The following AREL1 variants were observed in gnomAD, a reference collection of about 807,000 sequenced individuals.
AREL1 encodes the protein apoptosis resistant E3 ubiquitin protein ligase 1.
In AREL1, 62 loss-of-function variants were observed where a neutral mutation model predicts 99.0. The observed-to-expected ratio is 0.63, with a 90% CI of 0.51 to 0.77. The LOEUF (loss-of-function observed/expected upper bound fraction) is 0.77. AREL1 is among the 30% of genes least tolerant of loss of function. AREL1 has a pLI of 0.00. For synonymous variants in AREL1, 380 were observed against 376.5 expected, an observed-to-expected ratio of 1.01 and a Z score of -0.11; for missense variants, 879 against 1,027.6, an observed-to-expected ratio of 0.86 and a Z score of 1.98.
intron 5 of AREL1, among the ~76,000 whole-genome samples, chr14:74,681,911 T>C (rs2089638837): frequency 1.3e-5 from 2 of 152,248 alleles, no homozygotes; most frequent in Non-Finnish European, 1.5e-5. Flanking sequence ...GCTGTTATAC[T>C]GTACTAGTAG....
chr14:74,710,093 C>T (rs2090252733), intron 1 of AREL1, among the ~76,000 whole-genome samples: 1 of 152,340 alleles, frequency 6.6e-6, no homozygotes, highest in East Asian at 1.9e-4. Context: ...CTGCTCCCAT[C>T]CATCACAAAT....
At chr14:74,693,713 G>A (rs1419525298) in intron 1 of AREL1, among the ~76,000 whole-genome samples, 1 of 152,144 alleles carries the variant, frequency 6.6e-6, no homozygotes, top group Non-Finnish European at 1.5e-5. Flanking sequence ...CAGACAACCT[G>A]GACCCAGAAT....
chr14:74,698,292 A>G (rs2090012892), intron 1 of AREL1, among the ~76,000 whole-genome samples: 1 of 152,054 alleles, frequency 6.6e-6, no homozygotes, highest in Non-Finnish European at 1.5e-5. Context: ...CCCATCCTAG[A>G]TATCTATATT....
Position 74,684,565 on chromosome 14 carries a change from C to A in AREL1, c.132G>T (p.Arg44=), listed in dbSNP as rs1406909849. 6.2e-7 allele frequency: 1 copy of A among 1,614,054 alleles called. No homozygotes were observed. The highest frequency in any genetic ancestry group is 1.3e-5 in the African/African-American group (1 of 74,914). Residue 44 remains arginine (R), a synonymous_variant, in exon 4 of 20, where the codon CGG becomes CGT. Coordinates refer to ENST00000356357, the MANE Select transcript of AREL1 (RefSeq NM_001039479.2). ...TTCCCCGCACGTAGTCATAAATAGT[C>A]CGGTCCCCTCGGCGCTCGCGGTCCT... ...QNEDRERRGD[R]TIYDYVRGNY... is the part of the protein sequence containing the mutation.
At chr14:74,674,180 C>T in intron 8 of AREL1, 69 bp from the exon 9 acceptor site, 1 of 1,279,246 alleles carries the variant, frequency 7.8e-7, no homozygotes, top group Admixed American at 1.9e-5. Flanking sequence ...TATTCTAATT[C>T]AAATATCATA....
intron 5 of AREL1, chr14:74,678,289 G>A (rs1594763186): frequency 4.5e-6 from 2 of 446,032 alleles, no homozygotes; most frequent in Non-Finnish European, 8.9e-6. Context: ...TTGAGTCCAG[G>A]AGTTCGAGAC....
chr14:74,703,053 C>T (rs1221489547), intron 1 of AREL1, among the ~76,000 whole-genome samples: 3 of 152,210 alleles, frequency 2.0e-5, no homozygotes, highest in Non-Finnish European at 2.9e-5. Flanking sequence ...CTGCCTGTTA[C>T]CCAGTTCCAA....
At chr14:74,683,561 T>A (rs780204025) in intron 4 of AREL1, 28 bp from the exon 5 acceptor site, 1 of 1,605,568 alleles carries the variant, frequency 6.2e-7, no homozygotes, top group African/African-American at 1.3e-5. Context: ...AGGACACCTG[T>A]TAGCAAGCAG....
intron 5 of AREL1, among the ~76,000 whole-genome samples, chr14:74,680,854 T>C (rs1198519541): frequency 6.6e-6 from 1 of 152,114 alleles, no homozygotes; most frequent in Non-Finnish European, 1.5e-5. Context: ...GTAAGTATAT[T>C]GCCAATATTC....
At chr14:74,696,602 TAGG>T (rs1445533225) in intron 1 of AREL1, among the ~76,000 whole-genome samples, 2 of 152,176 alleles carry the variant, frequency 1.3e-5, no homozygotes, top group African/African-American at 4.8e-5. Context: ...CCCAACACTT[TAGG>T]AGGCTGAACT....
chr14:74,700,864 T>G (rs778133017), intron 1 of AREL1, among the ~76,000 whole-genome samples: 1 of 152,162 alleles, frequency 6.6e-6, no homozygotes, highest in Non-Finnish European at 1.5e-5. Context: ...AACAAAAAGA[T>G]GTTTTTTAAC....
chr14:74,663,525 C>A lies in AREL1; in HGVS notation c.*195G>T. 1 of 618,284 alleles carries A rather than the reference C, an allele frequency of 1.6e-6. No individual in the cohort carries two copies. The highest frequency in any genetic ancestry group is 2.9e-6 in the Non-Finnish European group (1 of 343,014). 38.3% of individuals were successfully genotyped at this position (618,284 alleles called of 1,614,324 possible). A position where few individuals can be genotyped will look rare whatever the true frequency, so the allele number is the denominator to read the frequency against. Reference sequence around the variant, plus strand: ...CAGCTTACATACCATGCCAAAGTGGCCTGTGGTAGATATGGGCAGGGAGCA... The same window carrying A: ...CAGCTTACATACCATGCCAAAGTGGACTGTGGTAGATATGGGCAGGGAGCA... On this transcript the variant is annotated 3_prime_UTR_variant, in exon 20 of 20. Transcript: ENST00000356357.
At chr14:74,668,388 T>C (rs2089255018) in intron 15 of AREL1, among the ~76,000 whole-genome samples, 1 of 152,060 alleles carries the variant, frequency 6.6e-6, no homozygotes, top group Non-Finnish European at 1.5e-5. Context: ...ATGGTAGCAA[T>C]AGCATGCTAC....
intron 1 of AREL1, among the ~76,000 whole-genome samples, chr14:74,706,269 C>G (rs2090177256): frequency 6.6e-6 from 1 of 152,154 alleles, no homozygotes; most frequent in Admixed American, 6.5e-5. Context: ...CTCAATAAGT[C>G]TAGGAAGCTA....
intron 1 of AREL1, among the ~76,000 whole-genome samples, chr14:74,704,539 G>C (rs75140279): frequency 6.6e-6 from 1 of 152,148 alleles, no homozygotes; most frequent in Non-Finnish European, 1.5e-5. Context: ...TCGGTAGGCA[G>C]GGGATGACTC....
At chr14:74,668,427 A>AAAATGT (rs1180722087) in intron 15 of AREL1, among the ~76,000 whole-genome samples, 5 of 152,322 alleles carry the variant, frequency 3.3e-5, no homozygotes, top group African/African-American at 1.2e-4. Context: ...AATGGATCTA[A>AAAATGT]AAATGTAAAA....
intron 5 of AREL1, among the ~76,000 whole-genome samples, chr14:74,679,228 G>C (rs1285225222): frequency 6.6e-6 from 1 of 152,146 alleles, no homozygotes; most frequent in Non-Finnish European, 1.5e-5. Context: ...GAAAAGCTCA[G>C]CCTGAGCAAC....
intron 2 of AREL1, among the ~76,000 whole-genome samples, chr14:74,686,843 T>C (rs1001977294): frequency 6.6e-6 from 1 of 152,152 alleles, no homozygotes; most frequent in Non-Finnish European, 1.5e-5. Context: ...CTGGGAACAT[T>C]AGAATTGTCA....
chr14:74,678,933 C>T (rs1045179245), intron 5 of AREL1, among the ~76,000 whole-genome samples: 1 of 152,150 alleles, frequency 6.6e-6, no homozygotes, highest in Non-Finnish European at 1.5e-5. Flanking sequence ...CTTTGTCACC[C>T]AGGCTGGAGT....
Sources: gnomAD v4.1 joint callset for allele counts (sites outside exome capture counted in the v4.1 genomes callset) on GRCh38, gnomAD v4.1.1 for gene constraint, MANE v1.5 for transcripts, NCBI Gene and HGNC (gene_info 2026-07-23, HGNC 2026-07-21) for gene names.